Variants in SLC24A4 observed in about 807,000 individuals in gnomAD.
SLC24A4 encodes sodium/potassium/calcium exchanger 4.
SLC24A4 carries 53 observed loss-of-function variants against 79.0 expected under a neutral mutation model. That is an observed-to-expected ratio of 0.67 (90% CI 0.54 to 0.84). The LOEUF is 0.84. Ranked by LOEUF, SLC24A4 falls within the 40% of genes least tolerant of loss-of-function variation. The probability of loss-of-function intolerance (pLI) is 0.00; values close to 1 mark genes in which losing one functional copy is unlikely to be tolerated. For synonymous variants in SLC24A4, 323 were observed against 323.8 expected (o/e 1.00, Z 0.03); for missense variants, 731 against 822.0 (o/e 0.89, Z 1.35).
intron 7 of SLC24A4, 81 bp from the exon 8 acceptor site, chr14:92,445,236 G>T (rs79012680): frequency 0.052 from 78,901 of 1,525,802 alleles, 2,570 homozygotes; most frequent in Non-Finnish European, 0.059. Context: ...ATTGGCTCTG[G>T]GTGCCTGGGT....
At chr14:92,423,138 TATTTC>T (rs199989548) in intron 2 of SLC24A4, among the ~76,000 whole-genome samples, 2 of 91,208 alleles carry the variant, frequency 2.2e-5, no homozygotes, top group African/African-American at 7.8e-5. Context: ...AATTTAATTT[TATTTC>T]ATTTCATTTT....
At chr14:92,351,649 G>T (rs868698007) in intron 2 of SLC24A4, among the ~76,000 whole-genome samples, 1 of 152,114 alleles carries the variant, frequency 6.6e-6, no homozygotes, top group Admixed American at 6.5e-5. Context: ...TTGAAGCCAG[G>T]AGTTTGAGAC....
intron 10 of SLC24A4, chr14:92,450,338 T>C (rs2139833712): frequency 6.6e-6 from 1 of 152,256 alleles, no homozygotes; most frequent in African/African-American, 2.4e-5. Flanking sequence ...CATGTGCATT[T>C]TGGGAGTCTG....
chr14:92,437,762 A>T (rs1222678782), intron 3 of SLC24A4, among the ~76,000 whole-genome samples: 2 of 152,082 alleles, frequency 1.3e-5, no homozygotes, highest in East Asian at 3.9e-4. Context: ...CCTTCCCTAA[A>T]ATTAAAGGGA....
intron 12 of SLC24A4, among the ~76,000 whole-genome samples, chr14:92,470,119 G>A (rs1894354810): frequency 6.6e-6 from 1 of 152,196 alleles, no homozygotes; most frequent in African/African-American, 2.4e-5. Context: ...TCCTCAAAGT[G>A]TGGTCCTAGG....
intron 2 of SLC24A4, among the ~76,000 whole-genome samples, chr14:92,363,278 C>T (rs757659938): frequency 4.6e-5 from 7 of 152,184 alleles, no homozygotes; most frequent in Non-Finnish European, 1.0e-4. Flanking sequence ...GACAAGGAAT[C>T]GGGGTACAGT....
intron 2 of SLC24A4, among the ~76,000 whole-genome samples, chr14:92,420,372 C>T (rs894775893): frequency 2.0e-5 from 3 of 152,100 alleles, no homozygotes; most frequent in East Asian, 3.9e-4. Flanking sequence ...CCCAGCTACT[C>T]GGCAGGTTGA....
chr14:92,329,801 C>T (rs1885363367), intron 2 of SLC24A4, among the ~76,000 whole-genome samples: 1 of 152,358 alleles, frequency 6.6e-6, no homozygotes, highest in African/African-American at 2.4e-5. Context: ...GCCACCGTGC[C>T]CTCCTCCCTA....
rs1025613880 is a variant in SLC24A4, at chr14:92,453,961, C to T, written c.942C>T (p.Ser314=). The T allele has an allele frequency of 6.2e-7, 1 of 1,613,588 alleles. No individual in the cohort carries two copies. Among genetic ancestry groups the T allele is most frequent in the Non-Finnish European group, 8.5e-7 (1 of 1,179,832 alleles). Residue 314 remains serine (S), a synonymous_variant, in exon 11 of 17, where the codon TCC becomes TCT. Transcript: ENST00000532405. The part of the protein sequence containing the change: ...PVVMVDEIMS[S]SPPKFTFPEA... Reference sequence around the variant, plus strand: ...TGATGGTGGACGAGATTATGAGCTCCAGCCCTCCCAAGTTCACCTTCCCTG... The same window carrying T: ...TGATGGTGGACGAGATTATGAGCTCTAGCCCTCCCAAGTTCACCTTCCCTG...
intron 3 of SLC24A4, among the ~76,000 whole-genome samples, chr14:92,438,923 GC>G (rs1892334675): frequency 6.6e-6 from 1 of 152,126 alleles, no homozygotes; most frequent in East Asian, 1.9e-4. Flanking sequence ...CTGGTGACCT[GC>G]CCCCATCCTG....
chr14:92,351,915 G>GAAGGAAAGGAAAGGA (rs11275208), intron 2 of SLC24A4, among the ~76,000 whole-genome samples: 25 of 140,508 alleles, frequency 1.8e-4, no homozygotes, highest in African/African-American at 4.6e-4. Flanking sequence ...GGAAGGAAAG[G>GAAGGAAAGGAAAGGA]AAGGAAAGGA....
intron 7 of SLC24A4, 148 bp downstream of exon 7, chr14:92,443,622 G>A: frequency 1.2e-6 from 1 of 818,160 alleles, no homozygotes; most frequent in South Asian, 1.6e-5. Flanking sequence ...TGCGGTCACA[G>A]TGACCAGCGC....
At chr14:92,361,285 T>C (rs949975357) in intron 2 of SLC24A4, among the ~76,000 whole-genome samples, 2 of 5,648 alleles carry the variant, frequency 3.5e-4, no homozygotes, top group Non-Finnish European at 0.015. Context: ...TAACAACTAT[T>C]TTTTTTTTTT....
intron 2 of SLC24A4, among the ~76,000 whole-genome samples, chr14:92,332,225 T>G (rs1595125206): frequency 6.6e-6 from 1 of 152,152 alleles, no homozygotes; most frequent in Non-Finnish European, 1.5e-5. Flanking sequence ...GAGGTTGCAG[T>G]GAGCCGAGAT....
intron 2 of SLC24A4, 24 bp downstream of exon 2, chr14:92,326,002 T>C (rs142543228): frequency 5.5e-5 from 84 of 1,522,280 alleles, no homozygotes; most frequent in Non-Finnish European, 6.9e-5. Flanking sequence ...TCTTCTCCAC[T>C]CAGTCTACTA....
At chr14:92,474,914 T>C in intron 12 of SLC24A4, among the ~76,000 whole-genome samples, 1 of 145,336 alleles carries the variant, frequency 6.9e-6, no homozygotes, top group South Asian at 2.2e-4. Flanking sequence ...GCCAGGCTGG[T>C]CTCGAACTCC....
At chr14:92,470,901 A>G (rs1257882577) in intron 12 of SLC24A4, among the ~76,000 whole-genome samples, 12 of 152,328 alleles carry the variant, frequency 7.9e-5, no homozygotes, top group Non-Finnish European at 1.3e-4. Flanking sequence ...CCTTCTGACA[A>G]GGCTAGACCC....
intron 16 of SLC24A4, 28 bp from the exon 17 acceptor site, chr14:92,493,448 G>A (rs780946268): frequency 1.2e-6 from 2 of 1,612,820 alleles, no homozygotes; most frequent in East Asian, 4.5e-5. Context: ...TGCCCTGCAA[G>A]CCCAGTTCCC....
At chr14:92,384,853 G>C (rs1042908225) in intron 2 of SLC24A4, among the ~76,000 whole-genome samples, 1 of 152,168 alleles carries the variant, frequency 6.6e-6, no homozygotes, top group Admixed American at 6.5e-5. Context: ...CAGAGCATAA[G>C]ATTTAAGAAA....
Sources: allele counts gnomAD v4.1 joint callset (sites outside exome capture counted in the v4.1 genomes callset), GRCh38; gene constraint gnomAD v4.1.1; transcripts MANE v1.5; gene names NCBI Gene and HGNC (gene_info 2026-07-23, HGNC 2026-07-21).